SNRK: variants seen among roughly 807,000 people sequenced by gnomAD.
SNRK encodes the protein SNF-related serine/threonine-protein kinase.
A neutral mutation model predicts 48.2 loss-of-function variants in SNRK; 3 were observed. The ratio of observed to expected loss-of-function variants is 0.06; its 90% confidence interval spans 0.03 to 0.16. The LOEUF (loss-of-function observed/expected upper bound fraction) is 0.16. SNRK is among the 10% of genes least tolerant of loss of function. The pLI is 1.00. For synonymous variants in SNRK, 376 were observed against 366.1 expected (o/e 1.03, Z -0.31); for missense variants, 627 against 976.0 (o/e 0.64, Z 4.76).
At position 43,294,125 on chromosome 3, in the gene SNRK, A is replaced by G. The variant is rs146342079; in HGVS notation, c.-168-5629A>G. Among the ~76,000 whole-genome samples the G allele has an allele frequency of 6.6e-5, 10 of 152,322 alleles. No homozygotes were observed. The East Asian group carries it at 1.3e-3, about 21-fold the overall frequency. ...GATGATTTGATTTTCTTTTGCATGTATAAATATCACTGAACATTGTTGAAT... is the reference window on the plus strand; with the variant it reads ...GATGATTTGATTTTCTTTTGCATGTGTAAATATCACTGAACATTGTTGAAT... On this transcript the variant is annotated intron_variant, in intron 1 of 6. Coordinates refer to ENST00000296088, the MANE Select transcript of SNRK (RefSeq NM_017719.5).
chr3:43,343,266 C>A, intron 5 of SNRK, 78 bp from the exon 6 acceptor site: 1 of 1,482,064 alleles, frequency 6.7e-7, no homozygotes, highest in Admixed American at 2.5e-5. Flanking sequence ...CTTGCTTGTA[C>A]TTTTAAAAAT....
In SNRK at chr3:43,350,049, T is replaced by C. The variant is rs2091311514; in HGVS notation, c.*1492T>C. ...GGTCACTGTTTCTTCAAGTACACAC[T>C]GACTCTGCTACTTTAGGATAAATAT... On this transcript the variant is annotated 3_prime_UTR_variant, in exon 7 of 7. Coordinates refer to ENST00000296088, the MANE Select transcript of SNRK (RefSeq NM_017719.5). The C allele has an allele frequency of 6.6e-6, 1 of 152,300 alleles. No individual in the cohort carries two copies. Among genetic ancestry groups the C allele is most frequent in the Admixed American group, 6.5e-5 (1 of 15,292 alleles). 9.4% of individuals were successfully genotyped at this position (152,300 alleles called of 1,614,324 possible). A position where few individuals can be genotyped will look rare whatever the true frequency, so the allele number is the denominator to read the frequency against.
Position 43,348,188 on chromosome 3 carries a change from C to T in SNRK, c.1929C>T (p.Leu643=), listed in dbSNP as rs55929732. 30 of 1,599,670 alleles carry T rather than the reference C, an allele frequency of 1.9e-5. No homozygotes were observed. Among genetic ancestry groups the T allele is most frequent in the African/African-American group, 1.7e-4 (13 of 74,504 alleles). ...TGGCCTCTCGCAGTGCTGGGGAGCT[C>T]GTTGAGAGCCTCAAACTCATGAGCC... The part of the protein sequence containing the change: ...MQLASRSAGE[L]VESLKLMSLC... Residue 643 remains leucine, a synonymous_variant, in exon 7 of 7, where the codon CTC becomes CTT. Transcript: ENST00000296088.
intron 6 of SNRK, 142 bp downstream of exon 6, chr3:43,343,620 G>C: frequency 1.9e-5 from 17 of 883,590 alleles, no homozygotes; most frequent in Non-Finnish European, 2.9e-5. Flanking sequence ...GGCCACACAC[G>C]GGCTCTTCAG....
Position 43,347,900 on chromosome 3 carries a change from T to A in SNRK, c.1641T>A (p.Asp547Glu). The change falls in exon 7 of 7, where the codon GAT becomes GAA. Residue 547 changes from aspartate to glutamate, a missense_variant. By Grantham distance (45) the Asp-to-Glu change is conservative. Around this residue, in one of 4 missense-constraint regions of SNRK, gnomAD observed 98 missense variants for 175.2 expected, o/e 0.56. Transcript: ENST00000296088. The surrounding 1 kb of genome is among the most constrained non-coding windows in gnomAD (Gnocchi z 5.4). ...GTAGTTCGGAGACCAGTGATGATGA[T>A]TCTGAAAGCCGGCGGCGGCTCGATA... The part of the protein sequence containing the change: ...SCSSSETSDD[D>E]SESRRRLDKD... 1 of 1,614,078 alleles carries A rather than the reference T, an allele frequency of 6.2e-7. No individual in the cohort carries two copies. Among genetic ancestry groups the A allele is most frequent in the Non-Finnish European group, 8.5e-7 (1 of 1,180,026 alleles).
rs372861581 is a variant in SNRK, at chr3:43,347,411, C to T, written c.1152C>T (p.His384=). 1.3e-5 allele frequency: 21 copies of T among 1,613,276 alleles called. No homozygotes were observed. Among genetic ancestry groups the T allele is most frequent in the African/African-American group, 5.3e-5 (4 of 74,890 alleles). Reference sequence around the variant, plus strand: ...ACCTCACGGCCACTCCTTTGTCCCACGCGACTGTCCCTCAGTCTCCTGCTC... The same window carrying T: ...ACCTCACGGCCACTCCTTTGTCCCATGCGACTGTCCCTCAGTCTCCTGCTC... The part of the protein sequence containing the change: ...EDDLTATPLS[H]ATVPQSPARA... Residue 384 remains histidine (H), a synonymous_variant, in exon 7 of 7, where the codon CAC becomes CAT. Coordinates refer to ENST00000296088, the MANE Select transcript of SNRK (RefSeq NM_017719.5). This position sits in a 1 kb window ranked among gnomAD's most constrained non-coding sequence, Gnocchi z 5.4.
intron 1 of SNRK, among the ~76,000 whole-genome samples, chr3:43,292,209 T>C (rs984763121): frequency 6.6e-6 from 1 of 152,210 alleles, no homozygotes; most frequent in African/African-American, 2.4e-5. Context: ...TAGTAGTATG[T>C]ATATGGGTGA....
rs1252951195 is a variant in SNRK, at chr3:43,286,540, AGCTACCCGGCACC to A, written c.-303_-291del. ...AGTGACGCGCAGCCCGCGCAGGCGC[AGCTACCCGGCACC>A]CCCTCCCCGCGGCCGGCAGCCCGCT... On this transcript the variant is annotated 5_prime_UTR_variant, in exon 1 of 7. Coordinates refer to ENST00000296088, the MANE Select transcript of SNRK (RefSeq NM_017719.5). 3 of 151,094 alleles carry A rather than the reference AGCTACCCGGCACC, an allele frequency of 2.0e-5. No homozygotes were observed. Among genetic ancestry groups the A allele is most frequent in the Admixed American group, 6.6e-5 (1 of 15,164 alleles). The allele number at this position is 151,094 out of a possible 1,614,324, so 9.4% of individuals were successfully genotyped here.
At chr3:43,339,199 T>C (rs1297690196) in intron 4 of SNRK, among the ~76,000 whole-genome samples, 1 of 152,228 alleles carries the variant, frequency 6.6e-6, no homozygotes, top group Non-Finnish European at 1.5e-5. Flanking sequence ...ACAGATATCA[T>C]TAGTTTGGAA....
chr3:43,293,005 T>C (rs1559457634), intron 1 of SNRK, among the ~76,000 whole-genome samples: 1 of 152,242 alleles, frequency 6.6e-6, no homozygotes, highest in Non-Finnish European at 1.5e-5. Context: ...AGGGACTGTG[T>C]TGTGTCCTGT....
chr3:43,313,177 T>C (rs550538871), intron 3 of SNRK, among the ~76,000 whole-genome samples: 3 of 147,988 alleles, frequency 2.0e-5, no homozygotes, highest in South Asian at 4.1e-4. Context: ...AAAGTAAATA[T>C]GCTCTTATAA....
At chr3:43,343,657 G>A (rs1225071267) in intron 6 of SNRK, among the ~76,000 whole-genome samples, 179 bp downstream of exon 6, 2 of 151,770 alleles carry the variant, frequency 1.3e-5, no homozygotes, top group East Asian at 1.9e-4. Flanking sequence ...GGGTTCCCTC[G>A]TCACCAGGGA....
Position 43,348,366 on chromosome 3 carries a change from G to A in SNRK, c.2107G>A (p.Gly703Ser), listed in dbSNP as rs202212938. 3,657 of 1,607,380 alleles carry A rather than the reference G, an allele frequency of 2.3e-3. 8 individuals are homozygous for A. Among genetic ancestry groups the A allele is most frequent in the Non-Finnish European group, 2.8e-3 (3,285 of 1,177,110 alleles). Residue 703 changes from glycine (G) to serine (S), a missense_variant, in exon 7 of 7, where the codon GGC becomes AGC. Gly to Ser is a moderately conservative substitution (Grantham distance 56). Transcript: ENST00000296088. ...TGCAGGGCAGGTCCCTGCAGTGGGCGGCATAAAGTTTTTCTCTGACCACAT... is the reference window on the plus strand; with the variant it reads ...TGCAGGGCAGGTCCCTGCAGTGGGCAGCATAAAGTTTTTCTCTGACCACAT... ...GNAGQVPAVG[G>S]IKFFSDHMAD...
Position 43,347,757 on chromosome 3 carries a change from G to T in SNRK, c.1498G>T (p.Asp500Tyr). 8.7e-6 allele frequency: 14 copies of T among 1,614,158 alleles called. No homozygotes were observed. Among genetic ancestry groups the T allele is most frequent in the Non-Finnish European group, 1.2e-5 (14 of 1,180,046 alleles). Residue 500 changes from aspartate (D) to tyrosine (Y), a missense_variant, in exon 7 of 7, where the codon GAC becomes TAC. Physicochemically the swap from Asp to Tyr is radical, Grantham distance 160 (BLOSUM62 -3). Around this residue, in one of 4 missense-constraint regions of SNRK, gnomAD observed 98 missense variants for 175.2 expected, o/e 0.56. Transcript: ENST00000296088. This position sits in a 1 kb window ranked among gnomAD's most constrained non-coding sequence, Gnocchi z 5.4. ...GGAAGGGGAATCTGACGATGAGTTT[G>T]ACATGGATGAGAATCTGCCTCCCAA... ...FEEGESDDEF[D>Y]MDENLPPKLS...
intron 3 of SNRK, among the ~76,000 whole-genome samples, chr3:43,319,027 CAAAAAAAA>C (rs573381074): frequency 2.9e-5 from 2 of 68,828 alleles, no homozygotes; most frequent in Non-Finnish European, 6.5e-5. Flanking sequence ...GACTTTGTCT[CAAAAAAAA>C]AAAAAAAAAG....
intron 2 of SNRK, among the ~76,000 whole-genome samples, chr3:43,300,122 TA>T (rs2090887852): frequency 6.6e-6 from 1 of 152,194 alleles, no homozygotes; most frequent in Admixed American, 6.5e-5. Context: ...GGTGCTCATA[TA>T]AAAAGTAAAT....
rs2091315270 is a variant in SNRK, at chr3:43,350,538, G to A, written c.*1981G>A. ...TATGGTGCTCACTTTAGGATCAGCA[G>A]TGTTGACCATTTATGCTGCATAGCT... is the stretch of plus-strand genomic sequence containing the variant. On this transcript the variant is annotated 3_prime_UTR_variant, in exon 7 of 7. Coordinates refer to ENST00000296088, the MANE Select transcript of SNRK (RefSeq NM_017719.5). 6.6e-6 allele frequency: 1 copy of A among 152,630 alleles called. No homozygotes were observed. Among genetic ancestry groups the A allele is most frequent in the South Asian group, 2.1e-4 (1 of 4,836 alleles). The allele number at this position is 152,630 out of a possible 1,614,324, so 9.5% of individuals were successfully genotyped here. A position where few individuals can be genotyped will look rare whatever the true frequency, so the allele number is the denominator to read the frequency against.
At chr3:43,319,505 A>G (rs1197434242) in intron 3 of SNRK, among the ~76,000 whole-genome samples, 1 of 152,150 alleles carries the variant, frequency 6.6e-6, no homozygotes, top group African/African-American at 2.4e-5. Context: ...ATGGCTAAAA[A>G]AGGAGGATGA....
At chr3:43,310,636 A>G (rs2090972525) in intron 3 of SNRK, among the ~76,000 whole-genome samples, 1 of 152,170 alleles carries the variant, frequency 6.6e-6, no homozygotes, top group Non-Finnish European at 1.5e-5. Context: ...TTCACATTTT[A>G]ATGATAATTT....
Sources: gnomAD v4.1 joint callset for allele counts (sites outside exome capture counted in the v4.1 genomes callset) on GRCh38, gnomAD v4.1.1 for gene constraint, gnomAD v4.1.1 regional missense constraint, Gnocchi (gnomAD v3.1) non-coding constraint, MANE v1.5 for transcripts, NCBI Gene and HGNC (gene_info 2026-07-23, HGNC 2026-07-21) for gene names.